SLC22A3: variants seen among roughly 807,000 people sequenced by gnomAD.
SLC22A3 encodes the protein solute carrier family 22 member 3.
Under a neutral mutation model 59.1 loss-of-function variants are expected in SLC22A3, and 51 were observed. The ratio of observed to expected loss-of-function variants is 0.86; its 90% CI spans 0.69 to 1.09. The LOEUF is 1.09. Ranked by LOEUF, SLC22A3 falls within the 50% of genes least tolerant of loss-of-function variation. The probability of loss-of-function intolerance (pLI) is 0.00; values close to 1 mark genes in which losing one functional copy is unlikely to be tolerated. For synonymous variants in SLC22A3, 325 were observed against 292.0 expected (o/e 1.11, Z -1.15); for missense variants, 711 against 726.3 (o/e 0.98, Z 0.24).
At chr6:160,388,296 T>C (rs992375040) in intron 1 of SLC22A3, among the ~76,000 whole-genome samples, 4 of 152,078 alleles carry the variant, frequency 2.6e-5, no homozygotes, top group Non-Finnish European at 4.4e-5. Flanking sequence ...GAGTGTACAA[T>C]TAGAAAAAAA....
intron 1 of SLC22A3, among the ~76,000 whole-genome samples, chr6:160,374,804 C>A (rs1161879489): frequency 6.6e-6 from 1 of 152,188 alleles, no homozygotes; most frequent in African/African-American, 2.4e-5. Context: ...AGTGGGAGGG[C>A]AGGGCGTTCA....
At chr6:160,380,350 G>T (rs1328267953) in intron 1 of SLC22A3, among the ~76,000 whole-genome samples, 1 of 151,956 alleles carries the variant, frequency 6.6e-6, no homozygotes, top group African/African-American at 2.4e-5. Context: ...GGTTTTCAAT[G>T]TGTTTCTGTA....
intron 1 of SLC22A3, among the ~76,000 whole-genome samples, chr6:160,370,505 C>T (rs1785361988): frequency 6.6e-6 from 1 of 152,134 alleles, no homozygotes; most frequent in Non-Finnish European, 1.5e-5. Flanking sequence ...ATTGTTAATG[C>T]TCTTATGTTA....
chr6:160,394,930 A>G (rs956682597), intron 1 of SLC22A3, among the ~76,000 whole-genome samples: 1 of 152,168 alleles, frequency 6.6e-6, no homozygotes, highest in Non-Finnish European at 1.5e-5. Flanking sequence ...CAGAAGCAGA[A>G]TGTCCACTAC....
intron 5 of SLC22A3, among the ~76,000 whole-genome samples, chr6:160,425,034 G>A (rs978041069): frequency 6.6e-6 from 1 of 152,200 alleles, no homozygotes; most frequent in African/African-American, 2.4e-5. Flanking sequence ...CTGCTCTCAA[G>A]TTAGCAGGGG....
intron 1 of SLC22A3, among the ~76,000 whole-genome samples, chr6:160,354,010 A>C (rs1176412032): frequency 6.6e-5 from 10 of 152,204 alleles, no homozygotes; most frequent in African/African-American, 2.4e-4. Context: ...AACTGATAAT[A>C]AAATCCTGGA....
chr6:160,433,619 G>A (rs1404811672), intron 5 of SLC22A3, among the ~76,000 whole-genome samples: 2 of 152,164 alleles, frequency 1.3e-5, no homozygotes, highest in Non-Finnish European at 2.9e-5. Context: ...GAGGTGGGAG[G>A]ATTGCTTGAG....
chr6:160,402,665 C>A (rs898111244), intron 2 of SLC22A3, among the ~76,000 whole-genome samples: 1 of 151,632 alleles, frequency 6.6e-6, no homozygotes, highest in East Asian at 1.9e-4. Context: ...CATATATTAG[C>A]AAATTTGAAG....
chr6:160,367,619 T>G (rs573767457), intron 1 of SLC22A3, among the ~76,000 whole-genome samples: 3 of 152,328 alleles, frequency 2.0e-5, no homozygotes, highest in South Asian at 2.1e-4. Context: ...CTCAGTGTCT[T>G]CCGCTGCTGT....
At chr6:160,447,531 T>C (rs1788790821) in intron 9 of SLC22A3, among the ~76,000 whole-genome samples, 188 bp from the exon 10 acceptor site, 1 of 151,986 alleles carries the variant, frequency 6.6e-6, no homozygotes. Flanking sequence ...TACTCAGGGT[T>C]TGAGGAAGGG....
At chr6:160,380,263 A>C (rs1469799587) in intron 1 of SLC22A3, among the ~76,000 whole-genome samples, 1 of 152,170 alleles carries the variant, frequency 6.6e-6, no homozygotes, top group Non-Finnish European at 1.5e-5. Context: ...TTTTATACCC[A>C]GTGCATTTAT....
chr6:160,394,895 T>C (rs969661284), intron 1 of SLC22A3, among the ~76,000 whole-genome samples: 2 of 152,146 alleles, frequency 1.3e-5, no homozygotes, highest in South Asian at 2.1e-4. Flanking sequence ...ACTGTCAGGA[T>C]TGGAGCTGGA....
At chr6:160,422,228 G>A (rs981278183) in intron 5 of SLC22A3, among the ~76,000 whole-genome samples, 3 of 152,198 alleles carry the variant, frequency 2.0e-5, no homozygotes, top group African/African-American at 7.2e-5. Flanking sequence ...ATTGAACATT[G>A]ATGTACACAG....
intron 5 of SLC22A3, among the ~76,000 whole-genome samples, chr6:160,412,895 T>C (rs1787314446): frequency 2.0e-5 from 3 of 150,870 alleles, no homozygotes; most frequent in Admixed American, 2.0e-4. Flanking sequence ...GAAACAAATA[T>C]AGAAGGGAAT....
At chr6:160,378,533 A>G (rs1785678317) in intron 1 of SLC22A3, among the ~76,000 whole-genome samples, 1 of 152,220 alleles carries the variant, frequency 6.6e-6, no homozygotes, top group Non-Finnish European at 1.5e-5. Context: ...AAATCTAATC[A>G]GATATGGTGG....
intron 1 of SLC22A3, among the ~76,000 whole-genome samples, chr6:160,371,970 T>G (rs1057513549): frequency 6.6e-6 from 1 of 152,210 alleles, no homozygotes; most frequent in African/African-American, 2.4e-5. Flanking sequence ...GCCGGATAAA[T>G]GTCTTCTTTT....
intron 5 of SLC22A3, chr6:160,426,156 T>G: frequency 1.9e-5 from 19 of 985,444 alleles, no homozygotes; most frequent in Non-Finnish European, 2.3e-5. Context: ...ATCTTCAAAC[T>G]CTTCAGCTAT....
At chr6:160,402,057 A>T (rs969541049) in intron 2 of SLC22A3, among the ~76,000 whole-genome samples, 1 of 151,986 alleles carries the variant, frequency 6.6e-6, no homozygotes, top group Non-Finnish European at 1.5e-5. Flanking sequence ...TAAATGTAAG[A>T]TGGTCTAAAT....
intron 1 of SLC22A3, among the ~76,000 whole-genome samples, chr6:160,354,595 G>A (rs1050384026): frequency 4.6e-5 from 7 of 152,172 alleles, no homozygotes; most frequent in African/African-American, 1.7e-4. Context: ...AATCCCAGGA[G>A]TCTGAGGCCA....
Sources: gnomAD v4.1 joint callset for allele counts (sites outside exome capture counted in the v4.1 genomes callset) on GRCh38, gnomAD v4.1.1 for gene constraint, MANE v1.5 for transcripts, NCBI Gene and HGNC (gene_info 2026-07-23, HGNC 2026-07-21) for gene names.